Variants in CD300A observed in about 807,000 individuals in gnomAD.
The protein encoded by CD300A is CD300a molecule.
In CD300A, 22 loss-of-function variants were observed where a neutral mutation model predicts 33.6. That is an observed-to-expected ratio of 0.66 (90% CI 0.47 to 0.94). CD300A has a LOEUF of 0.94. Among genes scored for constraint, CD300A ranks in the 40% least tolerant of loss-of-function variants. The pLI is 0.00. For synonymous variants in CD300A, 136 were observed against 148.1 expected (o/e 0.92, Z 0.59); for missense variants, 326 against 360.5 (o/e 0.90, Z 0.77).
upstream of CD300A, chr17:74,466,633 C>T (rs770807830): frequency 6.6e-5 from 99 of 1,511,070 alleles, 1 homozygote; most frequent in South Asian, 8.4e-5. Flanking sequence ...GCCTTGGAGG[C>T]GTGACTTTCC....
chr17:74,477,421 C>T lies in CD300A; in HGVS notation c.534-15C>T. 6.2e-7 allele frequency: 1 copy of T among 1,604,930 alleles called. No homozygotes were observed. The highest frequency in any genetic ancestry group is 8.5e-7 in the Non-Finnish European group (1 of 1,172,300). ...GCAAGTTGGCCCCGCCCTTACCATC[C>T]TGTGCCTCCTCCAGGCTCCCGCTGC... On this transcript the variant is annotated splice_polypyrimidine_tract_variant and intron_variant, in intron 3 of 6. Transcript: ENST00000360141.
chr17:74,481,599 A>G, intron 5 of CD300A, 127 bp from the exon 6 acceptor site: 1 of 716,040 alleles, frequency 1.4e-6, no homozygotes, highest in Non-Finnish European at 2.4e-6. Flanking sequence ...AGTGGGGTGG[A>G]GGCAGGAAGG....
At position 74,481,173 on chromosome 17, in the gene CD300A, A is replaced by T. The variant is rs180685086; in HGVS notation, c.629-116A>T. 4.8e-4 allele frequency: 423 copies of T among 874,892 alleles called. 2 individuals are homozygous for T. In the African/African-American group the frequency reaches 5.9e-3, roughly 12 times the overall value. 54.2% of individuals were successfully genotyped at this position (874,892 alleles called of 1,614,324 possible). On this transcript the variant is annotated intron_variant, in intron 4 of 6. Transcript: ENST00000360141. ...CCTACCATGCTTCAGGCCTGAAGGG[A>T]TAGGTCCCCAGGGCTGAGGTCTCTA...
At chr17:74,470,858 C>G (rs62087213) in intron 1 of CD300A, among the ~76,000 whole-genome samples, 4,754 of 151,704 alleles carry the variant, frequency 0.031, 94 homozygotes, top group Middle Eastern at 0.078. Flanking sequence ...ACCACATTGC[C>G]CAGGCTGGCC....
Position 74,467,046 on chromosome 17 carries a change from G to A in CD300A, c.40+303G>A, listed in dbSNP as rs1905758371. On this transcript the variant is annotated intron_variant, in intron 1 of 6. Coordinates refer to ENST00000360141, the MANE Select transcript of CD300A (RefSeq NM_007261.4). ...TTTTCAGTTGAATTCTTACAGGAAG[G>A]GGGACGAGAGGCAGGATGTGTCAGG... 10 of 1,250,376 alleles carry A rather than the reference G, an allele frequency of 8.0e-6. No homozygotes were observed. The African/African-American group carries it at 1.1e-4, about 13-fold the overall frequency. 77.5% of individuals were successfully genotyped at this position (1,250,376 alleles called of 1,614,324 possible). A position where few individuals can be genotyped will look rare whatever the true frequency, so the allele number is the denominator to read the frequency against.
rs1906757864 is a variant in CD300A, at chr17:74,480,390, T to C, written c.629-899T>C. ...CACCCGCTGCCCACGTGGTCCGGGC[T>C]CCTGGGGTGAAAGGGTTAGGGTGTA... On this transcript the variant is annotated intron_variant, in intron 4 of 6. Coordinates refer to ENST00000360141, the MANE Select transcript of CD300A (RefSeq NM_007261.4). This position sits in a 1 kb window ranked among gnomAD's most constrained non-coding sequence, Gnocchi z 4.2. Among the ~76,000 whole-genome samples, 1 of 152,112 alleles carries C rather than the reference T, an allele frequency of 6.6e-6. No homozygotes were observed. The highest frequency in any genetic ancestry group is 2.4e-5 in the African/African-American group (1 of 41,426).
chr17:74,483,955 T>G (rs754024524), intron 6 of CD300A, 46 bp from the exon 7 acceptor site: 2 of 1,605,626 alleles, frequency 1.2e-6, no homozygotes, highest in Non-Finnish European at 1.7e-6. Context: ...GGTCCTTTCT[T>G]CCCTTGCCTC....
Position 74,480,017 on chromosome 17 carries a change from T to TACC in CD300A, c.629-1268_629-1266dup, listed in dbSNP as rs746751480. ...CGCTGGCTCCCCCAAACCTTCTCACTACCACCCTCCTTCCCGGGCGTTGAA... is the reference window on the plus strand; with the variant it reads ...CGCTGGCTCCCCCAAACCTTCTCACTACCACCACCCTCCTTCCCGGGCGTTGAA... On this transcript the variant is annotated intron_variant, in intron 4 of 6. Coordinates refer to ENST00000360141, the MANE Select transcript of CD300A (RefSeq NM_007261.4). The surrounding 1 kb of genome is among the most constrained non-coding windows in gnomAD (Gnocchi z 4.2). Among the ~76,000 whole-genome samples the TACC allele has an allele frequency of 6.6e-6, 1 of 152,136 alleles. No homozygotes were observed.
intron 6 of CD300A, among the ~76,000 whole-genome samples, chr17:74,483,449 C>T (rs954657064): frequency 1.3e-5 from 2 of 151,752 alleles, no homozygotes; most frequent in East Asian, 3.9e-4. Context: ...CTCCGCCTCC[C>T]CGGTTCAAGC....
At chr17:74,483,924 C>T (rs1907085258) in intron 6 of CD300A, 77 bp from the exon 7 acceptor site, 3 of 1,550,562 alleles carry the variant, frequency 1.9e-6, no homozygotes, top group Admixed American at 1.8e-5. Context: ...AGGTGTCCTC[C>T]CTCCTCCATC....
At chr17:74,477,556 G>T (rs1170226664) in intron 4 of CD300A, 26 bp downstream of exon 4, 1 of 1,546,942 alleles carries the variant, frequency 6.5e-7, no homozygotes, top group African/African-American at 1.4e-5. Context: ...ACACCCCTCT[G>T]CCCCACCTGG....
chr17:74,483,780 C>T (rs759098900), intron 6 of CD300A, among the ~76,000 whole-genome samples: 1 of 152,206 alleles, frequency 6.6e-6, no homozygotes, highest in Non-Finnish European at 1.5e-5. Context: ...CCCCCGGAGC[C>T]TCCTGCCTCT....
At chr17:74,470,298 A>G (rs1906011593) in intron 1 of CD300A, 1 of 815,958 alleles carries the variant, frequency 1.2e-6, no homozygotes, top group Admixed American at 2.7e-4. Context: ...CTAAATTATA[A>G]TGACACCCTC....
chr17:74,477,442 G>T lies in CD300A; in HGVS notation c.540G>T (p.Pro180=), dbSNP rs149741904. The T allele has an allele frequency of 2.4e-4, 390 of 1,613,412 alleles. No individual in the cohort carries two copies. The highest frequency in any genetic ancestry group is 3.1e-4 in the Non-Finnish European group (365 of 1,179,602). Residue 180 remains proline (P), a synonymous_variant, in exon 4 of 7, where the codon CCG becomes CCT. Transcript: ENST00000360141. The part of the protein sequence containing the change: ...ETEEVVNSQL[P]LLLSLLALLL... ...CATCCTGTGCCTCCTCCAGGCTCCCGCTGCTCCTCTCCCTGCTGGCATTGT... is the reference window on the plus strand; with the variant it reads ...CATCCTGTGCCTCCTCCAGGCTCCCTCTGCTCCTCTCCCTGCTGGCATTGT...
chr17:74,466,976 C>T, intron 1 of CD300A: 1 of 1,405,976 alleles, frequency 7.1e-7, no homozygotes, highest in South Asian at 1.6e-5. Flanking sequence ...TGAACCACAG[C>T]GGGGCAAGTG....
Position 74,481,732 on chromosome 17 carries a change from A to T in CD300A, c.673A>T (p.Thr225Ser). 1 of 1,608,802 alleles carries T rather than the reference A, an allele frequency of 6.2e-7. No homozygotes were observed. Reference sequence around the variant, plus strand: ...GGACCTCCTGCCCACCCAGGCTGCCACGCAGAGTGAGCTGCACTACGCAAA... The same window carrying T: ...GGACCTCCTGCCCACCCAGGCTGCCTCGCAGAGTGAGCTGCACTACGCAAA... The part of the protein sequence containing the change: ...ELSQNPKQAA[T>S]QSELHYANLE... Residue 225 changes from threonine to serine, a missense_variant, in exon 6 of 7, where the codon ACG becomes TCG. Physicochemically the swap from Thr to Ser is moderately conservative, Grantham distance 58. Coordinates refer to ENST00000360141, the MANE Select transcript of CD300A (RefSeq NM_007261.4).
intron 1 of CD300A, among the ~76,000 whole-genome samples, chr17:74,473,233 A>G (rs1906222986): frequency 6.6e-6 from 1 of 152,088 alleles, no homozygotes; most frequent in Non-Finnish European, 1.5e-5. Context: ...TGGGGCTGAT[A>G]TGAGGTGAAG....
At chr17:74,469,896 C>T in intron 1 of CD300A, 1 of 893,518 alleles carries the variant, frequency 1.1e-6, no homozygotes, top group Admixed American at 6.2e-5. Context: ...TATATACTAA[C>T]TCCACTGTTT....
intron 1 of CD300A, among the ~76,000 whole-genome samples, chr17:74,473,029 C>T (rs1906207654): frequency 6.6e-6 from 1 of 151,996 alleles, no homozygotes; most frequent in South Asian, 2.1e-4. Flanking sequence ...TGGGGTGGCC[C>T]TCCCGGGAGT....
Sources: gnomAD v4.1 joint callset for allele counts (sites outside exome capture counted in the v4.1 genomes callset) on GRCh38, gnomAD v4.1.1 for gene constraint, Gnocchi (gnomAD v3.1) non-coding constraint, MANE v1.5 for transcripts, NCBI Gene and HGNC (gene_info 2026-07-23, HGNC 2026-07-21) for gene names.